The following EYS variants were observed in gnomAD, a reference collection of about 807,000 sequenced individuals.
The protein encoded by EYS is protein eyes shut homolog.
Under a neutral mutation model 282.1 loss-of-function variants are expected in EYS, and 250 were observed. The ratio of observed to expected loss-of-function variants is 0.89; its 90% CI spans 0.80 to 0.98. The LOEUF is 0.98. Among genes scored for constraint, EYS ranks in the 50% least tolerant of loss-of-function variants. The pLI, the probability that EYS is intolerant of heterozygous loss-of-function variation, is 0.00. For synonymous variants in EYS, 1,355 were observed against 1,282.9 expected, an observed-to-expected ratio of 1.06 and a Z score of -1.20; for missense variants, 4,016 against 3,709.0, an observed-to-expected ratio of 1.08 and a Z score of -2.15.
At position 64,309,599 on chromosome 6, in the gene EYS, T is replaced by C. The variant is rs369962645; in HGVS notation, c.6079-2517A>G. On this transcript the variant is annotated intron_variant, in intron 29 of 42. Transcript: ENST00000503581. ...TTTAAATATACAAACAACCTTCTTATAAAAATGTGAGCAAAGGACATGAAC... is the reference window on the plus strand; with the variant it reads ...TTTAAATATACAAACAACCTTCTTACAAAAATGTGAGCAAAGGACATGAAC... 7.5e-5 allele frequency among the ~76,000 whole-genome samples: 11 copies of C among 146,032 alleles called. No homozygotes were observed. The South Asian group carries it at 2.4e-3, about 32-fold the overall frequency.
intron 22 of EYS, among the ~76,000 whole-genome samples, chr6:64,749,772 T>C (rs1236608637): frequency 2.0e-5 from 3 of 152,200 alleles, no homozygotes; most frequent in African/African-American, 7.2e-5. Context: ...TTGTCTACTC[T>C]GGAGTCCACA....
At chr6:64,815,478 G>T (rs941245419) in intron 21 of EYS, among the ~76,000 whole-genome samples, 1 of 152,016 alleles carries the variant, frequency 6.6e-6, no homozygotes, top group Non-Finnish European at 1.5e-5. Context: ...AGGGTTTCAA[G>T]AATCTTTTAC....
At chr6:65,424,189 G>C (rs963187337) in intron 5 of EYS, among the ~76,000 whole-genome samples, 5 of 151,934 alleles carry the variant, frequency 3.3e-5, no homozygotes, top group Admixed American at 2.0e-4. Context: ...AGGGTGCACT[G>C]TCCTTCTTAC....
chr6:64,596,943 T>G (rs572003022), intron 24 of EYS, among the ~76,000 whole-genome samples: 2 of 152,102 alleles, frequency 1.3e-5, no homozygotes, highest in Admixed American at 1.3e-4. Flanking sequence ...TGAGAAAAAA[T>G]GTTTTCACAC....
chr6:65,162,838 C>T (rs192135716), intron 12 of EYS, among the ~76,000 whole-genome samples: 101 of 151,096 alleles, frequency 6.7e-4, no homozygotes, highest in African/African-American at 2.3e-3. Flanking sequence ...TGACAATCTC[C>T]ATCATCCTTG....
intron 31 of EYS, among the ~76,000 whole-genome samples, chr6:64,182,109 T>TA (rs968439637): frequency 7.9e-5 from 12 of 152,106 alleles, no homozygotes; most frequent in Admixed American, 1.3e-4. Context: ...TAGTGTGAAA[T>TA]AAAAAAATTG....
chr6:64,589,330 G>T (rs981213407), intron 26 of EYS, among the ~76,000 whole-genome samples: 15 of 151,952 alleles, frequency 9.9e-5, no homozygotes, highest in African/African-American at 3.6e-4. Flanking sequence ...AAACGTTGGG[G>T]TAATATATGA....
At chr6:65,032,202 T>A (rs969397575) in intron 13 of EYS, among the ~76,000 whole-genome samples, 3 of 152,124 alleles carry the variant, frequency 2.0e-5, no homozygotes, top group African/African-American at 7.2e-5. Flanking sequence ...AAGAAACTGA[T>A]TCCTTGAACA....
chr6:65,298,646 C>T (rs974240443), intron 11 of EYS, among the ~76,000 whole-genome samples: 11 of 151,678 alleles, frequency 7.3e-5, no homozygotes, highest in African/African-American at 2.7e-4. Context: ...TTTGACACAA[C>T]TTAGGCACAT....
In EYS at chr6:65,495,588, T is replaced by C; in HGVS notation, c.-178A>G. The C allele has an allele frequency of 1.6e-6, 1 of 633,078 alleles. No homozygotes were observed. The highest frequency in any genetic ancestry group is 2.8e-6 in the Non-Finnish European group (1 of 363,424). The allele number at this position is 633,078 out of a possible 1,614,324, so 39.2% of individuals were successfully genotyped here. On this transcript the variant is annotated 5_prime_UTR_variant, in exon 4 of 43. Transcript: ENST00000503581. ...ATGTGCTTTGATGGAGAAACAGGAA[T>C]TCAAATGTTGTAAATATTCCTTTAA...
At chr6:65,460,518 G>A (rs558711962) in intron 5 of EYS, among the ~76,000 whole-genome samples, 3 of 151,934 alleles carry the variant, frequency 2.0e-5, no homozygotes, top group African/African-American at 7.2e-5. Context: ...TGGACCTTAT[G>A]ACCAGGCCAG....
intron 8 of EYS, among the ~76,000 whole-genome samples, chr6:65,367,582 C>G (rs1047777447): frequency 6.6e-6 from 1 of 151,468 alleles, no homozygotes; most frequent in Non-Finnish European, 1.5e-5. Context: ...TCTATCACTT[C>G]TTATAGTTGT....
At chr6:64,807,999 T>TTCCTTCCTCCCTCCC (rs55765052) in intron 22 of EYS, among the ~76,000 whole-genome samples, 71,007 of 142,132 alleles carry the variant, frequency 0.5, 18,938 homozygotes, top group Admixed American at 0.66. Flanking sequence ...CTTCCCTTAC[T>TTCCTTCCTCCCTCCC]TCCTTCCTCC....
At chr6:64,696,588 T>G (rs1310079627) in intron 22 of EYS, among the ~76,000 whole-genome samples, 3 of 152,052 alleles carry the variant, frequency 2.0e-5, no homozygotes, top group African/African-American at 7.2e-5. Flanking sequence ...GGAAAAAAAT[T>G]TCTAAAACCA....
chr6:65,700,299 C>A (rs891400212), intron 1 of EYS, among the ~76,000 whole-genome samples: 1 of 151,662 alleles, frequency 6.6e-6, no homozygotes, highest in Non-Finnish European at 1.5e-5. Flanking sequence ...CAACTAAGAC[C>A]GTGACAGTGA....
At chr6:65,380,919 T>A (rs1765586247) in intron 8 of EYS, among the ~76,000 whole-genome samples, 2 of 152,118 alleles carry the variant, frequency 1.3e-5, no homozygotes, top group Non-Finnish European at 2.9e-5. Context: ...CACAACGAGA[T>A]ACCATCTCAT....
chr6:65,501,096 T>C (rs1490393564), intron 2 of EYS, among the ~76,000 whole-genome samples: 1 of 151,988 alleles, frequency 6.6e-6, no homozygotes, highest in East Asian at 1.9e-4. Flanking sequence ...AAATTTTAAA[T>C]AGCTGTATTA....
intron 29 of EYS, among the ~76,000 whole-genome samples, chr6:64,352,762 G>A (rs1172212225): frequency 2.6e-5 from 4 of 151,516 alleles, no homozygotes; most frequent in Admixed American, 6.6e-5. Flanking sequence ...GTACAGAATT[G>A]TAATTATTCG....
At chr6:65,015,423 A>T (rs1468536569) in intron 13 of EYS, among the ~76,000 whole-genome samples, 1 of 152,214 alleles carries the variant, frequency 6.6e-6, no homozygotes, top group Non-Finnish European at 1.5e-5. Flanking sequence ...AGTCTTTGTG[A>T]TCTATAGAAC....
Sources: gnomAD v4.1 joint callset for allele counts (sites outside exome capture counted in the v4.1 genomes callset) on GRCh38, gnomAD v4.1.1 for gene constraint, MANE v1.5 for transcripts, NCBI Gene and HGNC (gene_info 2026-07-23, HGNC 2026-07-21) for gene names.